Variants in RBM12 observed in about 807,000 individuals in gnomAD.
RBM12 encodes the protein RNA-binding protein 12.
Under a neutral mutation model 37.2 loss-of-function variants are expected in RBM12, and 24 were observed. The observed-to-expected ratio is 0.65, with a 90% CI of 0.47 to 0.91. RBM12 has a LOEUF of 0.91. Among genes scored for constraint, RBM12 ranks in the 40% least tolerant of loss-of-function variants. The pLI, the probability that RBM12 is intolerant of heterozygous loss-of-function variation, is 0.00. For synonymous variants in RBM12, 420 were observed against 425.2 expected, an observed-to-expected ratio of 0.99 and a Z score of 0.15; for missense variants, 1,061 against 1,183.2, an observed-to-expected ratio of 0.90 and a Z score of 1.52.
Position 35,652,976 on chromosome 20 carries a change from A to G in RBM12, c.2347T>C (p.Ser783Pro), listed in dbSNP as rs1267326694. The change falls in exon 3 of 3, where the codon TCG becomes CCG. Residue 783 changes from serine to proline, a missense_variant. Transcript: ENST00000374114. ...GGGPNNLSGPSGFGGGPQNFG... is the reference protein window; with the variant it reads ...GGGPNNLSGPPGFGGGPQNFG... ...TTCTGAGGGCCCCCTCCAAATCCCG[A>G]TGGCCCACTTAAATTGTTTGGTCCA... 6.2e-7 allele frequency: 1 copy of G among 1,613,650 alleles called. No individual in the cohort carries two copies. The highest frequency in any genetic ancestry group is 1.3e-5 in the African/African-American group (1 of 74,926).
intron 1 of RBM12, 55 bp from the exon 2 acceptor site, chr20:35,659,069 C>G: frequency 1.4e-6 from 1 of 711,676 alleles, no homozygotes; most frequent in Non-Finnish European, 2.6e-6. Flanking sequence ...CAAAACAACA[C>G]GCACAGGCCA....
Position 35,654,758 on chromosome 20 carries a change from G to A in RBM12, c.565C>T (p.Pro189Ser). 1 of 1,613,906 alleles carries A rather than the reference G, an allele frequency of 6.2e-7. No homozygotes were observed. Among genetic ancestry groups the A allele is most frequent in the Non-Finnish European group, 8.5e-7 (1 of 1,179,764 alleles). ...ASPMNTVPPP[P>S]IPPIPAMPSL... ...GGCATCGCTGGAATTGGAGGAATTGGTGGCGGCGGGACTGTGTTCATTGGA... is the reference window on the plus strand; with the variant it reads ...GGCATCGCTGGAATTGGAGGAATTGATGGCGGCGGGACTGTGTTCATTGGA... Residue 189 changes from proline to serine, a missense_variant, in exon 3 of 3, where the codon CCA (proline) becomes TCA (serine). Coordinates refer to ENST00000374114, the MANE Select transcript of RBM12 (RefSeq NM_006047.6).
intron 2 of RBM12, among the ~76,000 whole-genome samples, chr20:35,656,624 T>A (rs1361775361): frequency 6.6e-6 from 1 of 152,240 alleles, no homozygotes; most frequent in Non-Finnish European, 1.5e-5. Flanking sequence ...AACCTCCACC[T>A]CCCAGGTTCA....
At chr20:35,656,543 ATTTATTTT>A (rs754058245) in intron 2 of RBM12, among the ~76,000 whole-genome samples, 7 of 152,134 alleles carry the variant, frequency 4.6e-5, no homozygotes, top group Non-Finnish European at 1.0e-4. Flanking sequence ...TTATTTATTT[ATTTATTTT>A]GAGACAGAGT....
chr20:35,661,825 TTAAC>T (rs971415867), intron 1 of RBM12, among the ~76,000 whole-genome samples: 1 of 152,214 alleles, frequency 6.6e-6, no homozygotes, highest in African/African-American at 2.4e-5. Context: ...AAAGTGAACT[TTAAC>T]TTTGTTCAGT....
Position 35,654,879 on chromosome 20 carries a change from C to T in RBM12, c.444G>A (p.Gln148=). 1 of 1,614,090 alleles carries T rather than the reference C, an allele frequency of 6.2e-7. No homozygotes were observed. Among genetic ancestry groups the T allele is most frequent in the Non-Finnish European group, 8.5e-7 (1 of 1,179,986 alleles). The change falls in exon 3 of 3, where the codon CAG becomes CAA. Residue 148 remains glutamine, a synonymous_variant. Transcript: ENST00000374114. The part of the protein sequence containing the change: ...TSVHESNKNI[Q]TFSTASVGTA... Reference sequence around the variant, plus strand: ...TTCCTACGCTGGCTGTGGAAAATGTCTGTATGTTTTTGTTGCTTTCATGAA... The same window carrying T: ...TTCCTACGCTGGCTGTGGAAAATGTTTGTATGTTTTTGTTGCTTTCATGAA...
rs771552414 is a variant in RBM12 at position 35,654,377 on chromosome 20, T to C, written c.946A>G (p.Met316Val). ...AAAAAATCTCTGACATCATTTTCCA[T>C]TGCAGAAAAGGGCATTCCATGCACA... ...VSVHGMPFSA[M>V]ENDVRDFFHG... The change falls in exon 3 of 3, where the codon ATG (methionine) becomes GTG (valine). Residue 316 changes from methionine to valine, a missense_variant. This residue lies in a region of RBM12 where 540 missense variants were observed against 632.7 expected (regional missense o/e 0.85). Transcript: ENST00000374114. The C allele has an allele frequency of 1.1e-5, 18 of 1,614,114 alleles. No homozygotes were observed. Among genetic ancestry groups the C allele is most frequent in the Non-Finnish European group, 1.5e-5 (18 of 1,180,042 alleles).
Position 35,650,081 on chromosome 20 carries a change from A to G in RBM12, c.*2443T>C, listed in dbSNP as rs1207847238. On this transcript the variant is annotated 3_prime_UTR_variant, in exon 3 of 3. Transcript: ENST00000374114. ...TAAAAACTGAAACTCCAATGCCCAG[A>G]ACAAGATAAACAGTATCCTTAGCAG... 1.3e-5 allele frequency: 2 copies of G among 152,634 alleles called. No individual in the cohort carries two copies. The highest frequency in any genetic ancestry group is 4.8e-5 in the African/African-American group (2 of 41,452). 9.5% of individuals were successfully genotyped at this position (152,634 alleles called of 1,614,324 possible).
intron 2 of RBM12, among the ~76,000 whole-genome samples, chr20:35,655,857 T>A (rs572828919): frequency 6.6e-6 from 1 of 152,320 alleles, no homozygotes; most frequent in Non-Finnish European, 1.5e-5. Flanking sequence ...AGCAAAAAAC[T>A]AGAATACTAA....
At chr20:35,655,988 T>C (rs2033876835) in intron 2 of RBM12, among the ~76,000 whole-genome samples, 1 of 152,144 alleles carries the variant, frequency 6.6e-6, no homozygotes, top group Non-Finnish European at 1.5e-5. Flanking sequence ...AAACTACATA[T>C]GGAATTATTT....
chr20:35,652,479 T>C lies in RBM12; in HGVS notation c.*45A>G, dbSNP rs375626789. The C allele has an allele frequency of 1.3e-6, 2 of 1,553,238 alleles. No homozygotes were observed. The highest frequency in any genetic ancestry group is 1.4e-5 in the African/African-American group (1 of 72,358). Reference sequence around the variant, plus strand: ...TAGGAAAACAATCTGGATGCATTAATCACAGCAATATGAAGATCTACCCTA... The same window carrying C: ...TAGGAAAACAATCTGGATGCATTAACCACAGCAATATGAAGATCTACCCTA... On this transcript the variant is annotated 3_prime_UTR_variant, in exon 3 of 3. Transcript: ENST00000374114.
chr20:35,652,534 A>G lies in RBM12; in HGVS notation c.2789T>C (p.Val930Ala). 6.2e-7 allele frequency: 1 copy of G among 1,610,498 alleles called. No homozygotes were observed. Among genetic ancestry groups the G allele is most frequent in the Non-Finnish European group, 8.5e-7 (1 of 1,178,896 alleles). The change falls in exon 3 of 3, where the codon GTA becomes GCA. Residue 930 changes from valine to alanine, a missense_variant. Val to Ala is a moderately conservative substitution (Grantham distance 64). This residue lies in a region of RBM12 where 517 missense variants were observed against 534.0 expected (regional missense o/e 0.97). Coordinates refer to ENST00000374114, the MANE Select transcript of RBM12 (RefSeq NM_006047.6). The stretch of plus-strand genomic sequence containing the variant: ...AAATGATGTGAATGGCTACCCTAAT[A>G]CAAGTTTTACTTTTCTTGAACCTAT... ...RPIGSRKVKL[V>A]LG
intron 1 of RBM12, chr20:35,664,330 G>A (rs1390603959): frequency 6.6e-6 from 1 of 152,364 alleles, no homozygotes; most frequent in South Asian, 2.1e-4. Context: ...CGGGTTGAAG[G>A]AGTGTCCTCA....
chr20:35,654,618 C>G lies in RBM12; in HGVS notation c.705G>C (p.Met235Ile), dbSNP rs2033776172. ...TGCCCGACATGGGTGGCAGTGGGGT[C>G]ATGGGTGGCACAGAAGGAACTGGGG... ...PIPPVPSVPP[M>I]TPLPPMSGMP... The change falls in exon 3 of 3, where the codon ATG (methionine) becomes ATC (isoleucine). Residue 235 changes from methionine (M) to isoleucine (I), a missense_variant. Met to Ile is a conservative substitution (Grantham distance 10, BLOSUM62 1). This residue lies in a region of RBM12 where 540 missense variants were observed against 632.7 expected (regional missense o/e 0.85). Transcript: ENST00000374114. The G allele has an allele frequency of 6.2e-7, 1 of 1,613,984 alleles. No individual in the cohort carries two copies. The highest frequency in any genetic ancestry group is 1.3e-5 in the African/African-American group (1 of 74,892).
At chr20:35,659,328 C>A (rs2034101799) in intron 1 of RBM12, among the ~76,000 whole-genome samples, 1 of 152,156 alleles carries the variant, frequency 6.6e-6, no homozygotes, top group African/African-American at 2.4e-5. Flanking sequence ...TTGCTTTGAT[C>A]ACTTTATAAT....
At position 35,649,792 on chromosome 20, in the gene RBM12, T is replaced by A. The variant is rs979927074; in HGVS notation, c.*2732A>T. The A allele has an allele frequency of 3.3e-5, 5 of 151,364 alleles. No homozygotes were observed. 9.4% of individuals were successfully genotyped at this position (151,364 alleles called of 1,614,324 possible). On this transcript the variant is annotated 3_prime_UTR_variant, in exon 3 of 3. Transcript: ENST00000374114. Reference sequence around the variant, plus strand: ...AAATCAGAAGGGAGAGGAAAAAAAATTAAATCTAATGGAAAATATTCTCTT... The same window carrying A: ...AAATCAGAAGGGAGAGGAAAAAAAAATAAATCTAATGGAAAATATTCTCTT...
rs769708366 is a variant in RBM12, at chr20:35,653,726, G to C, written c.1597C>G (p.Leu533Val). 6.2e-7 allele frequency: 1 copy of C among 1,614,168 alleles called. No individual in the cohort carries two copies. Among genetic ancestry groups the C allele is most frequent in the Admixed American group, 1.7e-5 (1 of 60,026 alleles). Residue 533 changes from leucine to valine, a missense_variant, in exon 3 of 3, where the codon CTA becomes GTA. By Grantham distance (32) the Leu-to-Val change is conservative. This residue lies in a region of RBM12 where 517 missense variants were observed against 534.0 expected (regional missense o/e 0.97). Coordinates refer to ENST00000374114, the MANE Select transcript of RBM12 (RefSeq NM_006047.6). ...NFSYDQREMI[L>V]NPEGDVNSAK... The stretch of plus-strand genomic sequence containing the variant: ...GAGTTGACATCCCCCTCTGGATTTA[G>C]TATCATTTCCCTCTGGTCATAGCTG...
At chr20:35,656,753 C>A (rs2033922660) in intron 2 of RBM12, among the ~76,000 whole-genome samples, 1 of 147,650 alleles carries the variant, frequency 6.8e-6, no homozygotes, top group Admixed American at 6.7e-5. Context: ...GTGATCCACC[C>A]TCCTCAGTCT....
rs781488433 is a variant in RBM12 at position 35,654,341 on chromosome 20, G to A, written c.982C>T (p.Arg328Cys). ...TTCAACAAATGCACTGCATCAACAC[G>A]GAGCCCATGAAAAAAATCTCTGACA... ...NDVRDFFHGL[R>C]VDAVHLLKDH... The change falls in exon 3 of 3, where the codon CGT becomes TGT. Residue 328 changes from arginine to cysteine, a missense_variant. This residue lies in a region of RBM12 where 540 missense variants were observed against 632.7 expected (regional missense o/e 0.85). Transcript: ENST00000374114. The A allele has an allele frequency of 1.0e-4, 164 of 1,613,994 alleles. No individual in the cohort carries two copies. Among genetic ancestry groups the A allele is most frequent in the Non-Finnish European group, 1.3e-4 (150 of 1,180,024 alleles).
Sources: allele counts gnomAD v4.1 joint callset (sites outside exome capture counted in the v4.1 genomes callset), GRCh38; gene constraint gnomAD v4.1.1; regional missense constraint gnomAD v4.1.1; transcripts MANE v1.5; gene names NCBI Gene and HGNC (gene_info 2026-07-23, HGNC 2026-07-21).